CCSER1: variants seen among roughly 807,000 people sequenced by gnomAD.
The protein encoded by CCSER1 is serine-rich coiled-coil domain-containing protein 1.
A neutral mutation model predicts 82.0 loss-of-function variants in CCSER1; 41 were observed. That is an observed-to-expected ratio of 0.50 (90% confidence interval 0.39 to 0.65). The LOEUF is 0.65. Ranked by LOEUF, CCSER1 falls within the 30% of genes least tolerant of loss-of-function variation. CCSER1 has a pLI of 0.00. For missense variants in CCSER1, 1,119 were observed against 1,064.2 expected, an observed-to-expected ratio of 1.05 and a Z score of -0.72; for synonymous variants, 414 against 383.9, an observed-to-expected ratio of 1.08 and a Z score of -0.92.
chr4:91,320,935 G>A (rs992337053), intron 10 of CCSER1, among the ~76,000 whole-genome samples: 25 of 151,976 alleles, frequency 1.6e-4, no homozygotes, highest in Non-Finnish European at 2.8e-4. Context: ...GTTTAGTCAT[G>A]ATTTTTGGAA....
In CCSER1 at chr4:91,593,401, AAAAC is replaced by A. The variant is rs1020711609; in HGVS notation, c.2218-5169_2218-5166del. 4.0e-4 allele frequency among the ~76,000 whole-genome samples: 61 copies of A among 151,930 alleles called. 1 individual carries two copies. Among genetic ancestry groups the A allele is most frequent in the Non-Finnish European group, 7.4e-5 (5 of 67,962 alleles). On this transcript the variant is annotated intron_variant, in intron 10 of 10. Coordinates refer to ENST00000509176, the MANE Select transcript of CCSER1 (RefSeq NM_001145065.2). ...TTTTGTATACAGAAAGCCAAGGAAA[AAAAC>A]AGGGTATAATTTTAATATTAATGAA...
At chr4:91,216,891 A>T (rs1737286101) in intron 10 of CCSER1, among the ~76,000 whole-genome samples, 2 of 152,180 alleles carry the variant, frequency 1.3e-5, no homozygotes, top group Admixed American at 1.3e-4. Flanking sequence ...CAATATTGAT[A>T]TGAGAAAGGG....
intron 9 of CCSER1, among the ~76,000 whole-genome samples, chr4:91,053,329 G>A (rs1328134756): frequency 2.6e-5 from 4 of 152,086 alleles, no homozygotes; most frequent in South Asian, 2.1e-4. Context: ...AACACTTCTC[G>A]AACCTTGCCC....
At chr4:90,186,732 T>G (rs1734686991) in intron 1 of CCSER1, among the ~76,000 whole-genome samples, 1 of 151,974 alleles carries the variant, frequency 6.6e-6, no homozygotes, top group Non-Finnish European at 1.5e-5. Flanking sequence ...AGGTAAAAAC[T>G]GTAAAGTGTA....
chr4:91,387,726 T>C (rs1434932868), intron 10 of CCSER1, among the ~76,000 whole-genome samples: 1 of 148,386 alleles, frequency 6.7e-6, no homozygotes, highest in Non-Finnish European at 1.5e-5. Flanking sequence ...GTTAACTAAA[T>C]GATAAAAAAA....
chr4:91,465,882 G>T (rs1401460261), intron 10 of CCSER1, among the ~76,000 whole-genome samples: 1 of 152,088 alleles, frequency 6.6e-6, no homozygotes, highest in African/African-American at 2.4e-5. Flanking sequence ...ACCAAAAAAA[G>T]TCCAGGACCA....
At chr4:91,105,952 G>C (rs1388102862) in intron 10 of CCSER1, among the ~76,000 whole-genome samples, 1 of 151,874 alleles carries the variant, frequency 6.6e-6, no homozygotes, top group Non-Finnish European at 1.5e-5. Flanking sequence ...TGTACAGCCT[G>C]CTGCTCCAAA....
At chr4:90,893,289 T>C (rs1206919244) in intron 8 of CCSER1, among the ~76,000 whole-genome samples, 1 of 152,084 alleles carries the variant, frequency 6.6e-6, no homozygotes, top group Non-Finnish European at 1.5e-5. Flanking sequence ...CTAAATCCTT[T>C]GGGAAGAGAA....
chr4:91,013,665 C>T lies in CCSER1; in HGVS notation c.2173-72285C>T, dbSNP rs1475048489. 5.7e-5 allele frequency among the ~76,000 whole-genome samples: 7 copies of T among 122,784 alleles called. 1 individual carries two copies. Among genetic ancestry groups the T allele is most frequent in the Non-Finnish European group, 9.4e-5 (5 of 53,378 alleles). The allele number at this position is 122,784 out of a possible 152,430, so 80.6% of individuals were successfully genotyped here. A position where few individuals can be genotyped will look rare whatever the true frequency, so the allele number is the denominator to read the frequency against. On this transcript the variant is annotated intron_variant, in intron 9 of 10. Transcript: ENST00000509176. ...TCAACCAGGCTGGAGTGCAGTGGCG[C>T]GATCTCGGCTCACTGCAAGCTCCGC...
At chr4:91,446,208 T>A (rs901241919) in intron 10 of CCSER1, among the ~76,000 whole-genome samples, 89 of 49,292 alleles carry the variant, frequency 1.8e-3, no homozygotes, top group Admixed American at 3.8e-3. Flanking sequence ...TTATTCCTCA[T>A]ACTTTTTTGC....
chr4:91,563,241 A>G (rs905514914), intron 10 of CCSER1, among the ~76,000 whole-genome samples: 1 of 151,764 alleles, frequency 6.6e-6, no homozygotes, highest in African/African-American at 2.4e-5. Context: ...TTACATGCCA[A>G]TATCTCTGAT....
At chr4:91,439,143 A>G (rs1754918025) in intron 10 of CCSER1, among the ~76,000 whole-genome samples, 1 of 151,980 alleles carries the variant, frequency 6.6e-6, no homozygotes. Context: ...CCACAAAGAT[A>G]CTCCTCGAGA....
intron 6 of CCSER1, among the ~76,000 whole-genome samples, chr4:90,702,542 G>T (rs1407407780): frequency 6.6e-6 from 1 of 152,168 alleles, no homozygotes; most frequent in Non-Finnish European, 1.5e-5. Flanking sequence ...ATTTCAGAAG[G>T]AATGGTACCA....
intron 8 of CCSER1, among the ~76,000 whole-genome samples, chr4:90,911,553 C>T (rs1398166266): frequency 1.3e-5 from 2 of 152,114 alleles, no homozygotes; most frequent in East Asian, 1.9e-4. Flanking sequence ...CCAGTGTGAG[C>T]GATGCAGAAG....
chr4:91,179,488 G>A (rs1733772986), intron 10 of CCSER1, among the ~76,000 whole-genome samples: 1 of 152,142 alleles, frequency 6.6e-6, no homozygotes, highest in Middle Eastern at 3.2e-3. Context: ...TTTCTTGGAG[G>A]CTTTGTTCAT....
At chr4:91,099,400 G>A (rs537514955) in intron 10 of CCSER1, among the ~76,000 whole-genome samples, 97 of 152,212 alleles carry the variant, frequency 6.4e-4, no homozygotes, top group South Asian at 1.0e-3. Context: ...ACTCAGAATT[G>A]ATAGGCAATA....
At chr4:91,387,749 TAAGA>T (rs1323415837) in intron 10 of CCSER1, among the ~76,000 whole-genome samples, 6 of 151,864 alleles carry the variant, frequency 4.0e-5, no homozygotes, top group Non-Finnish European at 7.4e-5. Flanking sequence ...ATAAGACAGA[TAAGA>T]GAGATAAGAA....
intron 1 of CCSER1, among the ~76,000 whole-genome samples, chr4:90,201,577 A>G (rs1002636416): frequency 6.6e-6 from 1 of 150,458 alleles, no homozygotes; most frequent in African/African-American, 2.4e-5. Context: ...AATTATTGAG[A>G]CATTTATAAT....
intron 5 of CCSER1, among the ~76,000 whole-genome samples, chr4:90,585,532 C>T: frequency 6.6e-6 from 1 of 152,128 alleles, no homozygotes; most frequent in Admixed American, 6.6e-5. Context: ...CTTTCTTATT[C>T]TTATAAACCT....
Sources: allele counts gnomAD v4.1 joint callset (sites outside exome capture counted in the v4.1 genomes callset), GRCh38; gene constraint gnomAD v4.1.1; transcripts MANE v1.5; gene names NCBI Gene and HGNC (gene_info 2026-07-23, HGNC 2026-07-21).